PCDH15: variants seen among roughly 807,000 people sequenced by gnomAD.
The protein encoded by PCDH15 is protocadherin-15.
In PCDH15, 129 loss-of-function variants were observed where a neutral mutation model predicts 178.5. The ratio of observed to expected loss-of-function variants is 0.72; its 90% CI spans 0.63 to 0.84. PCDH15 has a LOEUF of 0.84. PCDH15 is among the 40% of genes least tolerant of loss of function. PCDH15 has a pLI of 0.00. For synonymous variants in PCDH15, 800 were observed against 732.0 expected, an observed-to-expected ratio of 1.09 and a Z score of -1.50; for missense variants, 2,230 against 2,099.9, an observed-to-expected ratio of 1.06 and a Z score of -1.21.
chr10:55,268,464 T>C (rs1198081708), intron 1 of PCDH15, among the ~76,000 whole-genome samples: 1 of 152,170 alleles, frequency 6.6e-6, no homozygotes, highest in East Asian at 1.9e-4. Flanking sequence ...TCTTAAAATA[T>C]TAGGACTTTA....
In PCDH15 at chr10:54,287,053, T is replaced by C. The variant is rs377238955; in HGVS notation, c.876+30218A>G. On this transcript the variant is annotated intron_variant, in intron 8 of 37. Coordinates refer to ENST00000644397, the MANE Select transcript of PCDH15 (RefSeq NM_001384140.1). ...CCAGTAGCATAAGATCTGAAACTGA[T>C]TGATAAGTTATACATTAAATATATG... is the stretch of plus-strand genomic sequence containing the variant. Among the ~76,000 whole-genome samples, 10 of 152,226 alleles carry C rather than the reference T, an allele frequency of 6.6e-5. No individual in the cohort carries two copies. In the South Asian group the frequency reaches 1.9e-3, roughly 28 times the overall value.
intron 3 of PCDH15, among the ~76,000 whole-genome samples, chr10:54,867,469 A>G (rs989050024): frequency 6.6e-6 from 1 of 152,116 alleles, no homozygotes; most frequent in Non-Finnish European, 1.5e-5. Context: ...TGACATTATC[A>G]ACATCATTCT....
rs372475592 is a variant in PCDH15 at position 54,406,715 on chromosome 10, CAA to C, written c.158-27775_158-27774del. 2.0e-4 allele frequency among the ~76,000 whole-genome samples: 31 copies of C among 152,112 alleles called. No individual in the cohort carries two copies. The East Asian group carries it at 4.6e-3, about 23-fold the overall frequency. ...GACAACTGGGTATCCATATGAAAAA[CAA>C]AAGTTAACCTTAACCCCTACCTCCT... is the stretch of plus-strand genomic sequence containing the variant. On this transcript the variant is annotated intron_variant, in intron 3 of 37. Coordinates refer to ENST00000644397, the MANE Select transcript of PCDH15 (RefSeq NM_001384140.1).
chr10:55,150,077 A>AG (rs1838660036), intron 2 of PCDH15, among the ~76,000 whole-genome samples: 1 of 32,162 alleles, frequency 3.1e-5, no homozygotes, highest in Non-Finnish European at 8.0e-5. Context: ...GAGGAGGGGG[A>AG]GGGGAGGGGA....
At position 55,127,128 on chromosome 10, in the gene PCDH15, C is replaced by T. The variant is rs115033067; in HGVS notation, c.-80+39448G>A. 2.6e-3 allele frequency among the ~76,000 whole-genome samples: 390 copies of T among 152,090 alleles called. 2 individuals are homozygous for T. Among genetic ancestry groups the T allele is most frequent in the African/African-American group, 8.8e-3 (367 of 41,528 alleles). On this transcript the variant is annotated intron_variant, in intron 2 of 5. Coordinates refer to the PCDH15 transcript ENST00000458638. ...CTCACTACTCATGTGCTTTTCTGCT[C>T]GATTATCCTATTCCAGTGAATCAAT...
chr10:54,109,554 G>A (rs928624479), intron 15 of PCDH15, among the ~76,000 whole-genome samples: 3 of 152,028 alleles, frequency 2.0e-5, no homozygotes, highest in African/African-American at 7.3e-5. Context: ...CAAATTAAGG[G>A]AAATAAGAAA....
At chr10:55,314,570 C>T (rs1047330399) in intron 1 of PCDH15, among the ~76,000 whole-genome samples, 8 of 96,460 alleles carry the variant, frequency 8.3e-5, no homozygotes, top group African/African-American at 4.6e-4. Flanking sequence ...TATTACAGAG[C>T]TCTCTAAACA....
intron 2 of PCDH15, among the ~76,000 whole-genome samples, chr10:55,026,731 G>T (rs1366842823): frequency 1.3e-5 from 2 of 151,970 alleles, no homozygotes; most frequent in Non-Finnish European, 2.9e-5. Flanking sequence ...GCTTGAAGGA[G>T]AAGTCAATAT....
intron 1 of PCDH15, among the ~76,000 whole-genome samples, chr10:54,763,599 A>C (rs1182904619): frequency 1.3e-5 from 2 of 152,028 alleles, no homozygotes; most frequent in Non-Finnish European, 2.9e-5. Flanking sequence ...AATATAGCTA[A>C]AAGAGAATAT....
At chr10:55,335,411 AC>A (rs768990223) in intron 2 of PCDH15, among the ~76,000 whole-genome samples, 6 of 152,220 alleles carry the variant, frequency 3.9e-5, no homozygotes, top group Non-Finnish European at 7.3e-5. Flanking sequence ...TTAAACGTTT[AC>A]TGATTAGGAG....
upstream of PCDH15, among the ~76,000 whole-genome samples, chr10:55,324,250 T>C (rs1565009391): frequency 6.6e-6 from 1 of 152,096 alleles, no homozygotes; most frequent in Non-Finnish European, 1.5e-5. Context: ...TACACTAACC[T>C]AGTATATAAA....
intron 2 of PCDH15, chr10:55,506,161 A>C (rs1840754919): frequency 6.6e-6 from 1 of 151,472 alleles, no homozygotes; most frequent in Non-Finnish European, 1.5e-5. Flanking sequence ...ACCATTTAAT[A>C]ATCTAATGTG....
chr10:54,418,783 T>A (rs1245723530), intron 3 of PCDH15, among the ~76,000 whole-genome samples: 2 of 151,972 alleles, frequency 1.3e-5, no homozygotes, highest in African/African-American at 4.8e-5. Flanking sequence ...ATAAGTTTGA[T>A]GCAACAAATA....
chr10:54,058,136 A>T (rs973538284), intron 18 of PCDH15, among the ~76,000 whole-genome samples: 1 of 151,698 alleles, frequency 6.6e-6, no homozygotes, highest in Admixed American at 6.6e-5. Flanking sequence ...ACATTTTCCT[A>T]TTTTCTTCTG....
chr10:54,881,436 T>C (rs745735365), intron 3 of PCDH15, among the ~76,000 whole-genome samples: 2 of 152,164 alleles, frequency 1.3e-5, no homozygotes, highest in Non-Finnish European at 2.9e-5. Flanking sequence ...GTTTAGTCTG[T>C]GCTTTTCTTT....
At chr10:54,842,525 A>C (rs1953437727) in intron 3 of PCDH15, among the ~76,000 whole-genome samples, 1 of 151,896 alleles carries the variant, frequency 6.6e-6, no homozygotes. Flanking sequence ...TAATTTTAAA[A>C]TATGTTTTGA....
chr10:55,543,991 A>G (rs560356446), intron 2 of PCDH15, among the ~76,000 whole-genome samples: 1 of 151,172 alleles, frequency 6.6e-6, no homozygotes, highest in Admixed American at 6.6e-5. Context: ...AAGAAAACTG[A>G]CACATTACTT....
At position 55,348,778 on chromosome 10, in the gene PCDH15, T is replaced by C. The variant is rs181100968; in HGVS notation, c.-155-182127A>G. On this transcript the variant is annotated intron_variant, in intron 2 of 5. Coordinates refer to the PCDH15 transcript ENST00000613346. ...ACTGTGGGTCAAGGAAGAACAATAA[T>C]CCCAGTGTAACTGAAAGGAAAGAAT... is the stretch of plus-strand genomic sequence containing the variant. 8.7e-4 allele frequency among the ~76,000 whole-genome samples: 133 copies of C among 152,160 alleles called. 4 individuals carry two copies. Among genetic ancestry groups the C allele is most frequent in the Admixed American group, 8.7e-3 (133 of 15,252 alleles).
intron 1 of PCDH15, among the ~76,000 whole-genome samples, chr10:54,760,376 T>TA (rs1314021552): frequency 4.6e-5 from 3 of 65,220 alleles, no homozygotes; most frequent in Non-Finnish European, 1.2e-4. Flanking sequence ...AACATATATA[T>TA]TTTTTTTATC....
Sources: gnomAD v4.1 joint callset for allele counts (sites outside exome capture counted in the v4.1 genomes callset) on GRCh38, gnomAD v4.1.1 for gene constraint, MANE v1.5 for transcripts, NCBI Gene and HGNC (gene_info 2026-07-23, HGNC 2026-07-21) for gene names.